Variants in KIAA0319L observed in about 807,000 individuals in gnomAD.
The protein encoded by KIAA0319L is dyslexia-associated protein KIAA0319-like protein.
In KIAA0319L, 55 loss-of-function variants were observed where a neutral mutation model predicts 120.1. That is an observed-to-expected ratio of 0.46 (90% CI 0.37 to 0.57). The LOEUF is 0.57. KIAA0319L is among the 20% of genes least tolerant of loss of function. The pLI is 0.00. For synonymous variants in KIAA0319L, 398 were observed against 471.9 expected (o/e 0.84, Z 2.03); for missense variants, 1,049 against 1,255.3 (o/e 0.84, Z 2.48).
At chr1:35,528,088 AT>A (rs1232756707) in intron 2 of KIAA0319L, among the ~76,000 whole-genome samples, 3 of 151,670 alleles carry the variant, frequency 2.0e-5, no homozygotes, top group Non-Finnish European at 2.9e-5. Context: ...AATTTAAGAA[AT>A]TTTTTTTCTT....
intron 16 of KIAA0319L, among the ~76,000 whole-genome samples, chr1:35,446,699 T>C (rs1414740150): frequency 6.6e-6 from 1 of 152,180 alleles, no homozygotes; most frequent in African/African-American, 2.4e-5. Flanking sequence ...CTGATTGCTG[T>C]TTCTTAGTTT....
chr1:35,554,284 T>G, intron 2 of KIAA0319L, 66 bp downstream of exon 2: 3 of 1,238,496 alleles, frequency 2.4e-6, no homozygotes, highest in East Asian at 5.3e-5. Flanking sequence ...TAAAATGAAC[T>G]GAGGGACTCA....
chr1:35,479,437 T>A (rs2149141580), intron 3 of KIAA0319L, among the ~76,000 whole-genome samples: 1 of 152,322 alleles, frequency 6.6e-6, no homozygotes, highest in South Asian at 2.1e-4. Flanking sequence ...AAATAGTAAT[T>A]TTCTGCATTC....
rs181299323 is a variant in KIAA0319L at position 35,505,474 on chromosome 1, G to A, written c.666+1138C>T. ...GTGAATCACTTCTTGTGTTCTTACT[G>A]CATTGTGTACATAAGTATGTTAATG... is the stretch of plus-strand genomic sequence containing the variant. On this transcript the variant is annotated intron_variant, in intron 3 of 20. Coordinates refer to ENST00000325722, the MANE Select transcript of KIAA0319L (RefSeq NM_024874.5). Among the ~76,000 whole-genome samples the A allele has an allele frequency of 7.9e-5, 12 of 152,220 alleles. No homozygotes were observed. The East Asian group carries it at 2.3e-3, about 29-fold the overall frequency.
At chr1:35,470,678 C>A (rs1458977761) in intron 6 of KIAA0319L, among the ~76,000 whole-genome samples, 185 bp downstream of exon 6, 1 of 152,078 alleles carries the variant, frequency 6.6e-6, no homozygotes, top group African/African-American at 2.4e-5. Flanking sequence ...GTCTTCTTAC[C>A]ATAAATGAAA....
intron 3 of KIAA0319L, among the ~76,000 whole-genome samples, chr1:35,501,523 C>T (rs1219155069): frequency 6.6e-6 from 1 of 152,160 alleles, no homozygotes; most frequent in East Asian, 1.9e-4. Context: ...ACTTTGACAT[C>T]TGGCTTTCAA....
At chr1:35,551,491 G>A (rs773660175) in intron 2 of KIAA0319L, among the ~76,000 whole-genome samples, 5 of 151,954 alleles carry the variant, frequency 3.3e-5, no homozygotes, top group Admixed American at 6.6e-5. Flanking sequence ...CTAATTTTTT[G>A]TATTTTTAGT....
At chr1:35,520,189 G>A (rs1000821538) in intron 2 of KIAA0319L, among the ~76,000 whole-genome samples, 1 of 151,496 alleles carries the variant, frequency 6.6e-6, no homozygotes, top group Admixed American at 6.6e-5. Context: ...TGCAACCTCT[G>A]CCACCCGGGT....
intron 16 of KIAA0319L, among the ~76,000 whole-genome samples, chr1:35,445,425 C>T (rs1641548620): frequency 6.6e-6 from 1 of 152,150 alleles, no homozygotes; most frequent in Non-Finnish European, 1.5e-5. Flanking sequence ...ATCAATAACC[C>T]TCAGATCTTT....
intron 16 of KIAA0319L, among the ~76,000 whole-genome samples, chr1:35,445,297 C>T (rs1215174589): frequency 6.6e-6 from 1 of 152,168 alleles, no homozygotes; most frequent in Non-Finnish European, 1.5e-5. Flanking sequence ...GGGGCATTAT[C>T]AATTCCAGAA....
chr1:35,436,311 G>C (rs1640785659), intron 20 of KIAA0319L, among the ~76,000 whole-genome samples: 1 of 152,250 alleles, frequency 6.6e-6, no homozygotes, highest in South Asian at 2.1e-4. Flanking sequence ...AGCTGTGCCT[G>C]TGCCACATGC....
intron 11 of KIAA0319L, chr1:35,454,110 C>T: frequency 2.1e-6 from 1 of 478,480 alleles, no homozygotes; most frequent in Non-Finnish European, 3.7e-6. Context: ...ATGGCATAAA[C>T]TCTATTTCCT....
chr1:35,435,259 G>A (rs1640692727), intron 20 of KIAA0319L, 178 bp from the exon 21 acceptor site: 1 of 614,232 alleles, frequency 1.6e-6, no homozygotes, highest in South Asian at 2.0e-5. Context: ...CCAACTGGTT[G>A]GAACAGTCCA....
At chr1:35,530,185 A>G (rs1646309269) in intron 2 of KIAA0319L, among the ~76,000 whole-genome samples, 1 of 148,978 alleles carries the variant, frequency 6.7e-6, no homozygotes, top group Non-Finnish European at 1.5e-5. Flanking sequence ...ACAGGCATGC[A>G]CCACCATGCC....
intron 17 of KIAA0319L, 39 bp from the exon 18 acceptor site, chr1:35,443,067 C>G: frequency 6.2e-7 from 1 of 1,613,404 alleles, no homozygotes; most frequent in South Asian, 1.1e-5. Flanking sequence ...CAACAAGACT[C>G]AGCCAGGGGT....
chr1:35,499,633 T>C (rs557453693), intron 3 of KIAA0319L, among the ~76,000 whole-genome samples: 12 of 151,684 alleles, frequency 7.9e-5, no homozygotes, highest in African/African-American at 2.7e-4. Context: ...TCACTGCACA[T>C]ACTAAAAACT....
chr1:35,515,755 CA>C (rs1338023451), intron 2 of KIAA0319L, among the ~76,000 whole-genome samples: 1 of 151,916 alleles, frequency 6.6e-6, no homozygotes, highest in Non-Finnish European at 1.5e-5. Flanking sequence ...AAAAGATCAA[CA>C]AATCCAGGAG....
intron 7 of KIAA0319L, among the ~76,000 whole-genome samples, chr1:35,464,607 G>A (rs532195753): frequency 2.0e-5 from 3 of 152,326 alleles, no homozygotes; most frequent in Admixed American, 6.5e-5. Flanking sequence ...ATTTTCTAAG[G>A]AGAAATTCAA....
At chr1:35,464,057 C>T (rs1342031479) in intron 7 of KIAA0319L, among the ~76,000 whole-genome samples, 1 of 152,142 alleles carries the variant, frequency 6.6e-6, no homozygotes, top group Non-Finnish European at 1.5e-5. Flanking sequence ...GTAAATTGCC[C>T]AGTCTCGGGC....
Sources: allele counts gnomAD v4.1 joint callset (sites outside exome capture counted in the v4.1 genomes callset), GRCh38; gene constraint gnomAD v4.1.1; transcripts MANE v1.5; gene names NCBI Gene and HGNC (gene_info 2026-07-23, HGNC 2026-07-21).